Variants in TRPM3 observed in about 807,000 individuals in gnomAD.
The protein encoded by TRPM3 is long transient receptor potential channel 3.
In TRPM3, 77 loss-of-function variants were observed where a neutral mutation model predicts 181.2. The observed-to-expected ratio is 0.42, with a 90% CI of 0.35 to 0.51. The LOEUF is 0.51. Among genes scored for constraint, TRPM3 ranks in the 20% least tolerant of loss-of-function variants. TRPM3 has a pLI of 0.01. For missense variants in TRPM3, 1,759 were observed against 2,196.7 expected (o/e 0.80, Z 3.98); for synonymous variants, 745 against 796.4 (o/e 0.94, Z 1.09).
chr9:70,973,634 G>A (rs890661460), intron 1 of TRPM3, among the ~76,000 whole-genome samples: 3 of 152,094 alleles, frequency 2.0e-5, no homozygotes, highest in Non-Finnish European at 4.4e-5. Context: ...CATGTCAGTA[G>A]TATCAAATCA....
chr9:71,207,939 T>A (rs1287395804), intron 1 of TRPM3, among the ~76,000 whole-genome samples: 1 of 152,160 alleles, frequency 6.6e-6, no homozygotes, highest in African/African-American at 2.4e-5. Context: ...TGAGAGTGGT[T>A]TCCTTGTCCC....
rs190352467 is a variant in TRPM3 at position 71,199,963 on chromosome 9, C to T, written c.183+246690G>A. ...TTTTCTAGTTCTTTTAATTGTGATG[C>T]TAGGGTGTCAATTTTGGATGTTTCC... On this transcript the variant is annotated intron_variant, in intron 1 of 24. Coordinates refer to the TRPM3 transcript ENST00000357533. Among the ~76,000 whole-genome samples, 16 of 152,164 alleles carry T rather than the reference C, an allele frequency of 1.1e-4. No individual in the cohort carries two copies. In the South Asian group the frequency reaches 1.2e-3, roughly 12 times the overall value.
chr9:71,086,128 G>A (rs192371166), intron 1 of TRPM3, among the ~76,000 whole-genome samples: 103 of 151,896 alleles, frequency 6.8e-4, no homozygotes, highest in African/African-American at 2.4e-3. Context: ...GTTCTCACTC[G>A]TAAGTGGAAG....
chr9:70,536,633 A>G lies in TRPM3; in HGVS notation c.4480T>C (p.Cys1494Arg), dbSNP rs755486706. The G allele has an allele frequency of 6.8e-6, 11 of 1,614,076 alleles. No homozygotes were observed. The South Asian group carries it at 1.2e-4, about 18-fold the overall frequency. ...GGCTCTGAGTCCCAGGGGTTTTGGC[A>G]TTCTGGGAGGTGGGTGTAGTCTGAA... ...FSSDYTHLPE[C>R]QNPWDSEPPM... The change falls in exon 26 of 26, where the codon TGC becomes CGC. Residue 1494 changes from cysteine (C) to arginine (R), a missense_variant. By Grantham distance (180) the Cys-to-Arg change is radical. Around this residue, in one of 8 missense-constraint regions of TRPM3, gnomAD observed 612 missense variants for 590.0 expected, o/e 1.04. Transcript: ENST00000677713.
chr9:70,661,974 A>C (rs1424593399), intron 9 of TRPM3, among the ~76,000 whole-genome samples: 1 of 152,198 alleles, frequency 6.6e-6, no homozygotes, highest in Non-Finnish European at 1.5e-5. Context: ...AGAAATACTA[A>C]GCTGAAAGTA....
chr9:70,667,700 A>G (rs2062040273), intron 9 of TRPM3, among the ~76,000 whole-genome samples: 2 of 152,128 alleles, frequency 1.3e-5, no homozygotes, highest in African/African-American at 4.8e-5. Context: ...TGGATGCCCC[A>G]ATTCCTGGGC....
At chr9:70,813,790 C>A (rs1160836406) in intron 6 of TRPM3, among the ~76,000 whole-genome samples, 1 of 152,180 alleles carries the variant, frequency 6.6e-6, no homozygotes. Context: ...GCAGTCTGAC[C>A]TTGTGCCTCT....
chr9:71,228,225 A>T (rs2080819060), intron 1 of TRPM3, among the ~76,000 whole-genome samples: 1 of 152,204 alleles, frequency 6.6e-6, no homozygotes, highest in African/African-American at 2.4e-5. Context: ...AGAAAGAAGG[A>T]CAAAAACCTT....
intron 1 of TRPM3, among the ~76,000 whole-genome samples, chr9:70,872,073 A>G (rs2095798364): frequency 6.6e-6 from 1 of 152,042 alleles, no homozygotes; most frequent in Non-Finnish European, 1.5e-5. Flanking sequence ...TCAACTAAAG[A>G]GCATGATATA....
intron 1 of TRPM3, among the ~76,000 whole-genome samples, chr9:71,069,553 G>A (rs1167491166): frequency 6.6e-6 from 1 of 152,020 alleles, no homozygotes; most frequent in Non-Finnish European, 1.5e-5. Flanking sequence ...TGGCATGACG[G>A]GGATAGATAG....
At chr9:71,077,462 T>C (rs1265838125) in intron 1 of TRPM3, among the ~76,000 whole-genome samples, 1 of 152,240 alleles carries the variant, frequency 6.6e-6, no homozygotes, top group Non-Finnish European at 1.5e-5. Context: ...CACATAGATA[T>C]ACATATCCTA....
chr9:71,267,209 C>T (rs1473014749), intron 1 of TRPM3, among the ~76,000 whole-genome samples: 1 of 152,160 alleles, frequency 6.6e-6, no homozygotes, highest in African/African-American at 2.4e-5. Context: ...TAAATGTCAC[C>T]TCCTTAGAAA....
intron 6 of TRPM3, among the ~76,000 whole-genome samples, chr9:70,812,486 C>T (rs1429808204): frequency 6.6e-6 from 1 of 152,146 alleles, no homozygotes; most frequent in Non-Finnish European, 1.5e-5. Flanking sequence ...TGTAAAATGG[C>T]CAACCAAGAG....
At chr9:70,837,747 T>A (rs1199049588) in intron 5 of TRPM3, among the ~76,000 whole-genome samples, 3 of 152,220 alleles carry the variant, frequency 2.0e-5, no homozygotes, top group Admixed American at 2.0e-4. Flanking sequence ...CAGGTCAAGA[T>A]TCTCTAGGGA....
intron 1 of TRPM3, among the ~76,000 whole-genome samples, chr9:71,031,273 A>G (rs999066604): frequency 6.6e-6 from 1 of 152,212 alleles, no homozygotes; most frequent in African/African-American, 2.4e-5. Flanking sequence ...GAGCAAGACC[A>G]ACATGGTCTC....
intron 5 of TRPM3, among the ~76,000 whole-genome samples, chr9:70,832,334 G>T (rs551720275): frequency 6.6e-6 from 1 of 152,124 alleles, no homozygotes; most frequent in East Asian, 1.9e-4. Context: ...AGAGAAATTT[G>T]CTTAGAAATG....
intron 3 of TRPM3, among the ~76,000 whole-genome samples, chr9:70,856,259 G>A (rs535311025): frequency 1.3e-5 from 2 of 152,242 alleles, no homozygotes; most frequent in South Asian, 4.1e-4. Flanking sequence ...TTTATTCTCA[G>A]TTTCAGAAAA....
intron 1 of TRPM3, among the ~76,000 whole-genome samples, chr9:71,149,725 G>A (rs11142702): frequency 0.059 from 8,937 of 152,152 alleles, 396 homozygotes; most frequent in African/African-American, 0.12. Flanking sequence ...TGTAATCCCA[G>A]AACTTTGGGA....
intron 1 of TRPM3, among the ~76,000 whole-genome samples, chr9:71,155,237 A>G (rs1020302332): frequency 2.0e-5 from 3 of 152,150 alleles, no homozygotes; most frequent in Non-Finnish European, 4.4e-5. Context: ...TAAACTGAAC[A>G]AAAGTCTATC....
Sources: allele counts gnomAD v4.1 joint callset (sites outside exome capture counted in the v4.1 genomes callset), GRCh38; gene constraint gnomAD v4.1.1; regional missense constraint gnomAD v4.1.1; transcripts MANE v1.5; gene names NCBI Gene and HGNC (gene_info 2026-07-23, HGNC 2026-07-21).